PCDHA3: variants seen among roughly 807,000 people sequenced by gnomAD.
PCDHA3 encodes protocadherin alpha 3.
In PCDHA3, 41 loss-of-function variants were observed where a neutral mutation model predicts 62.2. The observed-to-expected ratio is 0.66, with a 90% CI of 0.51 to 0.86. The LOEUF is 0.86. Ranked by LOEUF, PCDHA3 falls within the 40% of genes least tolerant of loss-of-function variation. The pLI, the probability that PCDHA3 is intolerant of heterozygous loss-of-function variation, is 0.00. For synonymous variants in PCDHA3, 640 were observed against 555.4 expected (o/e 1.15, Z -2.14); for missense variants, 1,304 against 1,241.2 (o/e 1.05, Z -0.76).
At chr5:140,966,707 A>T in intron 1 of PCDHA3, 2 of 1,379,868 alleles carry the variant, frequency 1.4e-6, no homozygotes, top group Non-Finnish European at 9.3e-7. Flanking sequence ...GGCGTGGGGC[A>T]CGGCTGGGGA....
intron 1 of PCDHA3, among the ~76,000 whole-genome samples, chr5:140,915,255 A>G (rs2077044659): frequency 6.6e-6 from 1 of 152,018 alleles, no homozygotes; most frequent in African/African-American, 2.4e-5. Flanking sequence ...CCAGGTTGTT[A>G]TTATTTTTGA....
intron 1 of PCDHA3, among the ~76,000 whole-genome samples, chr5:140,921,218 T>G (rs1554200138): frequency 6.6e-6 from 1 of 152,126 alleles, no homozygotes; most frequent in African/African-American, 2.4e-5. Context: ...TTCACGTCTT[T>G]TTTGCTAGAT....
intron 3 of PCDHA3, among the ~76,000 whole-genome samples, chr5:140,998,569 G>GTT (rs71574497): frequency 0.068 from 10,108 of 149,316 alleles, 392 homozygotes; most frequent in Middle Eastern, 0.14. Flanking sequence ...TTGTAAATAA[G>GTT]TTTTTTTTTT....
At chr5:140,858,080 T>C in intron 1 of PCDHA3, 1 of 1,597,738 alleles carries the variant, frequency 6.3e-7, no homozygotes, top group Non-Finnish European at 8.6e-7. Flanking sequence ...ACCCAAGGCC[T>C]CGTCGCGGGC....
intron 1 of PCDHA3, chr5:140,969,045 C>G: frequency 1.2e-6 from 2 of 1,614,090 alleles, no homozygotes. Flanking sequence ...TACAAACAAG[C>G]CAACAACAAT....
intron 1 of PCDHA3, chr5:140,843,513 G>A (rs1554140161): frequency 6.3e-7 from 1 of 1,595,848 alleles, no homozygotes; most frequent in East Asian, 2.2e-5. Context: ...ACTGAGGGCG[G>A]GTGCCGGGCG....
intron 1 of PCDHA3, chr5:140,807,117 T>C: frequency 6.5e-7 from 1 of 1,528,166 alleles, no homozygotes; most frequent in Non-Finnish European, 8.9e-7. Flanking sequence ...TGCACTTGAC[T>C]GACCGATTAA....
chr5:140,917,030 G>A (rs1220107705), intron 1 of PCDHA3, among the ~76,000 whole-genome samples: 3 of 152,164 alleles, frequency 2.0e-5, no homozygotes, highest in Non-Finnish European at 4.4e-5. Context: ...GCTGCTGGCT[G>A]AGTCCAGCAC....
intron 1 of PCDHA3, among the ~76,000 whole-genome samples, chr5:140,880,234 G>T (rs560785672): frequency 1.8e-4 from 28 of 152,250 alleles, no homozygotes; most frequent in Non-Finnish European, 2.8e-4. Context: ...TTAAATTAGT[G>T]TATGTGCGTG....
At chr5:140,806,972 T>C in intron 1 of PCDHA3, 1 of 617,842 alleles carries the variant, frequency 1.6e-6, no homozygotes, top group Non-Finnish European at 2.8e-6. Context: ...AATTGCTACT[T>C]ACGGTTTGGA....
intron 1 of PCDHA3, among the ~76,000 whole-genome samples, chr5:140,934,327 T>C (rs1379362644): frequency 1.3e-5 from 2 of 152,152 alleles, no homozygotes; most frequent in African/African-American, 4.8e-5. Flanking sequence ...CAATCATGAA[T>C]GTAATAACCA....
intron 1 of PCDHA3, chr5:140,834,315 G>A: frequency 7.3e-7 from 1 of 1,374,090 alleles, no homozygotes. Flanking sequence ...TTGAAATGAA[G>A]GGATAAAAAC....
chr5:140,853,458 T>TA lies in PCDHA3; in HGVS notation c.2394+49868dup. 7 of 974,486 alleles carry TA rather than the reference T, an allele frequency of 7.2e-6. 1 individual carries two copies. Among genetic ancestry groups the TA allele is most frequent in the Non-Finnish European group, 8.7e-6 (7 of 807,370 alleles). The allele number at this position is 974,486 out of a possible 1,614,324, so 60.4% of individuals were successfully genotyped here. ...CTATTTTGCCTAATAGGTCTCCTTA[T>TA]ATGCATCTGTAGTTAACATTCCTCA... On this transcript the variant is annotated intron_variant, in intron 1 of 3. Coordinates refer to ENST00000522353, the MANE Select transcript of PCDHA3 (RefSeq NM_018906.3).
intron 1 of PCDHA3, chr5:140,828,452 G>T (rs782092268): frequency 6.2e-7 from 1 of 1,614,284 alleles, no homozygotes; most frequent in Middle Eastern, 1.6e-4. Context: ...CCATGTGGAC[G>T]TGGAGGTGAG....
chr5:140,966,894 A>G, intron 1 of PCDHA3: 1 of 1,596,438 alleles, frequency 6.3e-7, no homozygotes, highest in Non-Finnish European at 8.5e-7. Flanking sequence ...GCGGCCTCCC[A>G]GCTGCGATAC....
intron 1 of PCDHA3, among the ~76,000 whole-genome samples, chr5:140,953,492 G>T (rs542677103): frequency 6.6e-6 from 1 of 152,188 alleles, no homozygotes; most frequent in East Asian, 1.9e-4. Context: ...TCACAACCTT[G>T]ATCAGCTATT....
At chr5:140,830,346 A>T in intron 1 of PCDHA3, 2 of 1,614,054 alleles carry the variant, frequency 1.2e-6, no homozygotes, top group Non-Finnish European at 1.7e-6. Flanking sequence ...TCGTACTCGC[A>T]GCAGAGGCGG....
intron 1 of PCDHA3, chr5:140,863,483 G>A: frequency 4.3e-6 from 2 of 464,772 alleles, no homozygotes; most frequent in Non-Finnish European, 8.6e-6. Context: ...CGCCTCCCAA[G>A]GTCAACATTA....
intron 1 of PCDHA3, among the ~76,000 whole-genome samples, chr5:140,903,212 A>C (rs1387552422): frequency 6.6e-6 from 1 of 152,192 alleles, no homozygotes; most frequent in African/African-American, 2.4e-5. Flanking sequence ...CACCACATTC[A>C]TGCCAACATC....
Sources: allele counts gnomAD v4.1 joint callset (sites outside exome capture counted in the v4.1 genomes callset), GRCh38; gene constraint gnomAD v4.1.1; transcripts MANE v1.5; gene names NCBI Gene and HGNC (gene_info 2026-07-23, HGNC 2026-07-21).